The following CRIP2 variants were observed in gnomAD, a reference collection of about 807,000 sequenced individuals.
CRIP2 encodes the protein cysteine rich protein 2.
Under a neutral mutation model 31.3 loss-of-function variants are expected in CRIP2, and 31 were observed. That is an observed-to-expected ratio of 0.99 (90% CI 0.74 to 1.34). The LOEUF (loss-of-function observed/expected upper bound fraction) is 1.34. Among genes scored for constraint, CRIP2 ranks in the 40% most tolerant of loss-of-function variants. The pLI, the probability that CRIP2 is intolerant of heterozygous loss-of-function variation, is 0.00. For synonymous variants in CRIP2, 177 were observed against 127.2 expected, an observed-to-expected ratio of 1.39 and a Z score of -2.63; for missense variants, 389 against 301.6, an observed-to-expected ratio of 1.29 and a Z score of -2.15.
At chr14:105,476,253 G>A in intron 1 of CRIP2, 8 of 985,496 alleles carry the variant, frequency 8.1e-6, no homozygotes, top group Non-Finnish European at 7.2e-6. Flanking sequence ...ACAGTCCTGT[G>A]GACAGCCCGG....
Position 105,478,755 on chromosome 14 carries a change from C to T in CRIP2, c.221C>T (p.Ser74Phe), listed in dbSNP as rs1555436504. 21 of 1,432,222 alleles carry T rather than the reference C, an allele frequency of 1.5e-5. No homozygotes were observed. The highest frequency in any genetic ancestry group is 5.1e-5 in the East Asian group (2 of 39,114). 88.7% of individuals were successfully genotyped at this position (1,432,222 alleles called of 1,614,324 possible). Residue 74 changes from serine to phenylalanine, a missense_variant, in exon 4 of 8, where the codon TCC becomes TTC. Coordinates refer to ENST00000329146, the MANE Select transcript of CRIP2 (RefSeq NM_001312.4). The surrounding 1 kb of genome is among the most constrained non-coding windows in gnomAD (Gnocchi z 4.9). The part of the protein sequence containing the change: ...PKGVNIGGAG[S>F]YIYEKPLAEG... ...GGCGTGAACATCGGGGGCGCGGGCT[C>T]CTACATCTACGAGAAGCCCCTGGCG... is the stretch of plus-strand genomic sequence containing the variant.
At chr14:105,474,698 C>T, upstream of CRIP2, 3 of 911,052 alleles carry the variant, frequency 3.3e-6, no homozygotes, top group Non-Finnish European at 3.9e-6. This position sits in a 1 kb window ranked among gnomAD's most constrained non-coding sequence, Gnocchi z 5.1. Context: ...CCCGCCCCCG[C>T]GGCGCCCCCA....
Position 105,479,804 on chromosome 14 carries a change from C to T in CRIP2, c.*151C>T. On this transcript the variant is annotated 3_prime_UTR_variant, in exon 8 of 8. Coordinates refer to ENST00000329146, the MANE Select transcript of CRIP2 (RefSeq NM_001312.4). ...AGGAGGGGCAGCCACGGGCAGAGCA[C>T]CATGCCCATCCCCGAGTCTCTGGTG... 1 of 778,174 alleles carries T rather than the reference C, an allele frequency of 1.3e-6. No homozygotes were observed. Among genetic ancestry groups the T allele is most frequent in the South Asian group, 1.7e-5 (1 of 59,532 alleles). 48.2% of individuals were successfully genotyped at this position (778,174 alleles called of 1,614,324 possible).
upstream of CRIP2, chr14:105,474,718 C>T: frequency 1.0e-6 from 1 of 997,336 alleles, no homozygotes; most frequent in Non-Finnish European, 1.2e-6. The surrounding 1 kb of genome is among the most constrained non-coding windows in gnomAD (Gnocchi z 5.1). Flanking sequence ...AGGCGGCCCC[C>T]AGCCCGGGGG....
rs869259338 is a variant in CRIP2, at chr14:105,477,854, A to AGGCAGGTGTTGGAGCGCG, written c.44-333_44-316dup. Among the ~76,000 whole-genome samples the AGGCAGGTGTTGGAGCGCG allele has an allele frequency of 6.3e-3, 556 of 88,952 alleles. 4 individuals are homozygous for AGGCAGGTGTTGGAGCGCG. Among genetic ancestry groups the AGGCAGGTGTTGGAGCGCG allele is most frequent in the African/African-American group, 0.011 (206 of 18,148 alleles). The allele number at this position is 88,952 out of a possible 152,430, so 58.4% of individuals were successfully genotyped here. A position where few individuals can be genotyped will look rare whatever the true frequency, so the allele number is the denominator to read the frequency against. On this transcript the variant is annotated intron_variant, in intron 1 of 7. Coordinates refer to ENST00000329146, the MANE Select transcript of CRIP2 (RefSeq NM_001312.4). Reference sequence around the variant, plus strand: ...GGCGGGTGTGAGGCGGGTGTCCGGGAGGCAGGTGTTGGAGCGCGGGCAGGT... The same window carrying AGGCAGGTGTTGGAGCGCG: ...GGCGGGTGTGAGGCGGGTGTCCGGGAGGCAGGTGTTGGAGCGCGGGCAGGTGTTGGAGCGCGGGCAGGT...
At chr14:105,476,110 C>T (rs1420277468) in intron 1 of CRIP2, 1 of 985,404 alleles carries the variant, frequency 1.0e-6, no homozygotes, top group Non-Finnish European at 1.2e-6. Flanking sequence ...CCCTCAGTCT[C>T]TGTCCCAGCG....
chr14:105,479,586 G>A lies in CRIP2; in HGVS notation c.560G>A (p.Gly187Glu). 1.9e-6 allele frequency: 3 copies of A among 1,612,804 alleles called. No individual in the cohort carries two copies. Among genetic ancestry groups the A allele is most frequent in the Non-Finnish European group, 2.5e-6 (3 of 1,179,930 alleles). The part of the protein sequence containing the change: ...PCYGILFGPK[G>E]VNTGAVGSYI... ...CCACCCCAGCGGCCTCCCTCCACAG[G>A]AGTGAACACCGGTGCGGTGGGCAGC... The change falls in exon 8 of 8, where the codon GGA becomes GAA. Residue 187 changes from glycine to glutamate, a missense_variant and splice_region_variant. Coordinates refer to ENST00000329146, the MANE Select transcript of CRIP2 (RefSeq NM_001312.4).
chr14:105,478,616 C>T lies in CRIP2; in HGVS notation c.196+109C>T. ...CCGCCGTGGATCCCCGCCCAGAGTC[C>T]CTGCCACCCTGGAAAGCCTAGTGCC... is the stretch of plus-strand genomic sequence containing the variant. On this transcript the variant is annotated intron_variant, in intron 3 of 7. Transcript: ENST00000329146. The surrounding 1 kb of genome is among the most constrained non-coding windows in gnomAD (Gnocchi z 4.9). The T allele has an allele frequency of 6.6e-7, 1 of 1,508,622 alleles. No homozygotes were observed. The highest frequency in any genetic ancestry group is 8.9e-7 in the Non-Finnish European group (1 of 1,125,066). The allele number at this position is 1,508,622 out of a possible 1,614,324, so 93.5% of individuals were successfully genotyped here.
chr14:105,476,270 C>T (rs2083930911), intron 1 of CRIP2: 1 of 985,566 alleles, frequency 1.0e-6, no homozygotes, highest in Non-Finnish European at 1.2e-6. Flanking sequence ...CCGGAAAGGC[C>T]TGCCTGCCTG....
intron 1 of CRIP2, chr14:105,477,176 C>A: frequency 1.4e-6 from 1 of 711,784 alleles, no homozygotes; most frequent in East Asian, 1.3e-4. Flanking sequence ...CTGCTGGGCC[C>A]TTCCTGCCCC....
chr14:105,473,214 G>T, upstream of CRIP2: 1 of 1,533,316 alleles, frequency 6.5e-7, no homozygotes, highest in South Asian at 1.2e-5. Flanking sequence ...GGGCCTGCCA[G>T]GGAGGAAGGG....
intron 1 of CRIP2, chr14:105,476,230 A>G: frequency 1.0e-6 from 1 of 985,372 alleles, no homozygotes; most frequent in Non-Finnish European, 1.2e-6. Flanking sequence ...GGGGCTCTCC[A>G]GGGTCTCGGC....
intron 6 of CRIP2, 79 bp from the exon 7 acceptor site, chr14:105,479,357 C>A: frequency 1.3e-6 from 2 of 1,594,288 alleles, no homozygotes; most frequent in Middle Eastern, 3.3e-4. Context: ...GCGAGCCGGC[C>A]TGCACGTTCT....
In CRIP2 at chr14:105,477,353, G is replaced by C. The variant is rs374587948; in HGVS notation, c.44-913G>C. 5 of 983,904 alleles carry C rather than the reference G, an allele frequency of 5.1e-6. No individual in the cohort carries two copies. The African/African-American group carries it at 8.7e-5, about 17-fold the overall frequency. 60.9% of individuals were successfully genotyped at this position (983,904 alleles called of 1,614,324 possible). On this transcript the variant is annotated intron_variant, in intron 1 of 7. Coordinates refer to ENST00000329146, the MANE Select transcript of CRIP2 (RefSeq NM_001312.4). Reference sequence around the variant, plus strand: ...CAGTGGCAGCCAGGGGCATTACGGCGGGGGGAGAGCTCAGGGTTTAGGACG... The same window carrying C: ...CAGTGGCAGCCAGGGGCATTACGGCCGGGGGAGAGCTCAGGGTTTAGGACG...
rs1555436385 is a variant in CRIP2 at position 105,478,421 on chromosome 14, A to G, written c.139-29A>G. The G allele has an allele frequency of 4.4e-6, 7 of 1,594,378 alleles. No homozygotes were observed. Among genetic ancestry groups the G allele is most frequent in the Admixed American group, 3.4e-5 (2 of 58,622 alleles). On this transcript the variant is annotated intron_variant, in intron 2 of 7. Coordinates refer to ENST00000329146, the MANE Select transcript of CRIP2 (RefSeq NM_001312.4). This position sits in a 1 kb window ranked among gnomAD's most constrained non-coding sequence, Gnocchi z 4.9. ...GTCGCGACTCCCGCCACCCTCAGGCAGGGTCCTGACCCGCGCCCCTCTGCG... is the reference window on the plus strand; with the variant it reads ...GTCGCGACTCCCGCCACCCTCAGGCGGGGTCCTGACCCGCGCCCCTCTGCG...
upstream of CRIP2, chr14:105,473,335 C>CG (rs2083873752): frequency 1.2e-5 from 13 of 1,065,234 alleles, no homozygotes; most frequent in South Asian, 3.7e-5. Context: ...GGCGGGGGGG[C>CG]GGGGGGCATG....
chr14:105,479,896 C>T lies in CRIP2; in HGVS notation c.*243C>T, dbSNP rs1425742945. On this transcript the variant is annotated 3_prime_UTR_variant, in exon 8 of 8. Transcript: ENST00000329146. ...TTCTGTGTCTGCGTGTCCGAATCCCCGTGTGACCCTGTCCCAGCATTTTCC... is the reference window on the plus strand; with the variant it reads ...TTCTGTGTCTGCGTGTCCGAATCCCTGTGTGACCCTGTCCCAGCATTTTCC... 5.3e-6 allele frequency: 3 copies of T among 569,772 alleles called. No homozygotes were observed. Among genetic ancestry groups the T allele is most frequent in the South Asian group, 4.1e-5 (2 of 48,718 alleles). 35.3% of individuals were successfully genotyped at this position (569,772 alleles called of 1,614,324 possible). A position where few individuals can be genotyped will look rare whatever the true frequency, so the allele number is the denominator to read the frequency against.
rs782114039 is a variant in CRIP2, at chr14:105,479,569, G to A, written c.560-17G>A. On this transcript the variant is annotated splice_polypyrimidine_tract_variant and intron_variant, in intron 7 of 7. Coordinates refer to ENST00000329146, the MANE Select transcript of CRIP2 (RefSeq NM_001312.4). ...TCCACTGTTCCCCCGACCCACCCCA[G>A]CGGCCTCCCTCCACAGGAGTGAACA... The A allele has an allele frequency of 1.9e-6, 3 of 1,612,632 alleles. No homozygotes were observed. The highest frequency in any genetic ancestry group is 2.7e-5 in the African/African-American group (2 of 74,900).
rs2084007175 is a variant in CRIP2, at chr14:105,478,593, G to A, written c.196+86G>A. The A allele has an allele frequency of 6.5e-7, 1 of 1,528,456 alleles. No homozygotes were observed. Among genetic ancestry groups the A allele is most frequent in the Non-Finnish European group, 8.8e-7 (1 of 1,135,740 alleles). 94.7% of individuals were successfully genotyped at this position (1,528,456 alleles called of 1,614,324 possible). A position where few individuals can be genotyped will look rare whatever the true frequency, so the allele number is the denominator to read the frequency against. On this transcript the variant is annotated intron_variant, in intron 3 of 7. Coordinates refer to ENST00000329146, the MANE Select transcript of CRIP2 (RefSeq NM_001312.4). The surrounding 1 kb of genome is among the most constrained non-coding windows in gnomAD (Gnocchi z 4.9). ...CTGGGGAGGGCTGGGGGTCCCGGCC[G>A]CCGTGGATCCCCGCCCAGAGTCCCT...
Sources: allele counts gnomAD v4.1 joint callset (sites outside exome capture counted in the v4.1 genomes callset), GRCh38; gene constraint gnomAD v4.1.1; non-coding constraint Gnocchi (gnomAD v3.1); transcripts MANE v1.5; gene names NCBI Gene and HGNC (gene_info 2026-07-23, HGNC 2026-07-21).